CDH13: variants seen among roughly 807,000 people sequenced by gnomAD.
CDH13 encodes cadherin 13.
In CDH13, 24 loss-of-function variants were observed where a neutral mutation model predicts 63.8. The observed-to-expected ratio is 0.38, with a 90% CI of 0.27 to 0.53. CDH13 has a LOEUF of 0.53. Ranked by LOEUF, CDH13 falls within the 20% of genes least tolerant of loss-of-function variation. The pLI, the probability that CDH13 is intolerant of heterozygous loss-of-function variation, is 0.85. For synonymous variants in CDH13, 503 were observed against 355.3 expected, an observed-to-expected ratio of 1.42 and a Z score of -4.67; for missense variants, 1,049 against 903.1, an observed-to-expected ratio of 1.16 and a Z score of -2.07.
intron 5 of CDH13, among the ~76,000 whole-genome samples, chr16:83,327,222 A>G (rs1208760612): frequency 1.3e-5 from 2 of 152,218 alleles, no homozygotes; most frequent in Admixed American, 6.5e-5. Flanking sequence ...ATCATATACT[A>G]TCAGTCACTG....
intron 7 of CDH13, among the ~76,000 whole-genome samples, chr16:83,540,161 T>G (rs1245783215): frequency 6.6e-6 from 1 of 151,606 alleles, no homozygotes; most frequent in Non-Finnish European, 1.5e-5. Context: ...GCCTCCCAGG[T>G]TGAAGCCACT....
intron 3 of CDH13, among the ~76,000 whole-genome samples, chr16:83,112,554 C>T (rs1173121389): frequency 1.3e-5 from 2 of 152,074 alleles, no homozygotes; most frequent in African/African-American, 4.8e-5. Context: ...TGTAATTAAC[C>T]CTTTATCTCT....
At chr16:82,867,772 C>T (rs72790103) in intron 2 of CDH13, among the ~76,000 whole-genome samples, 18,502 of 152,206 alleles carry the variant, frequency 0.12, 1,179 homozygotes, top group Admixed American at 0.19. Context: ...TTTAATGTCA[C>T]AACAAAGGCT....
At chr16:83,144,274 G>C (rs953281697) in intron 4 of CDH13, among the ~76,000 whole-genome samples, 1 of 152,256 alleles carries the variant, frequency 6.6e-6, no homozygotes, top group Admixed American at 6.5e-5. Context: ...TGTTCCTGCG[G>C]TTGACACTCT....
In CDH13 at chr16:83,240,818, C is replaced by T. The variant is rs145937251; in HGVS notation, c.636+23321C>T. Among the ~76,000 whole-genome samples, 5 of 143,832 alleles carry T rather than the reference C, an allele frequency of 3.5e-5. 1 individual carries two copies. The highest frequency in any genetic ancestry group is 1.3e-4 in the African/African-American group (5 of 39,800). 94.4% of individuals were successfully genotyped at this position (143,832 alleles called of 152,430 possible). A position where few individuals can be genotyped will look rare whatever the true frequency, so the allele number is the denominator to read the frequency against. The stretch of plus-strand genomic sequence containing the variant: ...CTCAAGTGATCCTCCTGTCTCAGTC[C>T]CCCAAGAAGCTGGGCCTACAGGTGT... On this transcript the variant is annotated intron_variant, in intron 5 of 13. Coordinates refer to ENST00000567109, the MANE Select transcript of CDH13 (RefSeq NM_001257.5).
chr16:83,021,517 G>T (rs1314245462), intron 2 of CDH13, among the ~76,000 whole-genome samples: 1 of 152,210 alleles, frequency 6.6e-6, no homozygotes, highest in Non-Finnish European at 1.5e-5. Context: ...TCCCCTGAAA[G>T]CAGATGTGGC....
chr16:82,891,431 T>A (rs906951239), intron 2 of CDH13, among the ~76,000 whole-genome samples: 3 of 152,184 alleles, frequency 2.0e-5, no homozygotes, highest in Admixed American at 1.3e-4. Context: ...CCTCTTGGAT[T>A]TGCCTACATT....
chr16:82,865,852 T>G (rs2151179805), intron 2 of CDH13, among the ~76,000 whole-genome samples: 1 of 152,354 alleles, frequency 6.6e-6, no homozygotes, highest in East Asian at 1.9e-4. Context: ...TTTTCCAAAC[T>G]TTTATGCTGT....
At chr16:82,956,138 G>A (rs1009630392) in intron 2 of CDH13, among the ~76,000 whole-genome samples, 12 of 151,204 alleles carry the variant, frequency 7.9e-5, no homozygotes, top group African/African-American at 2.9e-4. Flanking sequence ...GCAAATCAAG[G>A]GTGCTACTCA....
At chr16:82,940,738 A>G (rs1904277815) in intron 2 of CDH13, among the ~76,000 whole-genome samples, 1 of 152,170 alleles carries the variant, frequency 6.6e-6, no homozygotes, top group African/African-American at 2.4e-5. Context: ...AGGCACATAC[A>G]GGCCCTATTC....
At chr16:82,653,848 C>T (rs563309103) in intron 1 of CDH13, among the ~76,000 whole-genome samples, 11 of 152,086 alleles carry the variant, frequency 7.2e-5, no homozygotes, top group Admixed American at 4.6e-4. Context: ...GCAGTAGTTC[C>T]GGAGAAGAAG....
At chr16:82,975,386 G>C (rs751461334) in intron 2 of CDH13, among the ~76,000 whole-genome samples, 2 of 152,186 alleles carry the variant, frequency 1.3e-5, no homozygotes, top group Non-Finnish European at 2.9e-5. Context: ...GGTCACAGTC[G>C]TAGTCAGGCC....
At chr16:82,926,969 G>T (rs774784914) in intron 2 of CDH13, among the ~76,000 whole-genome samples, 10 of 152,088 alleles carry the variant, frequency 6.6e-5, no homozygotes, top group Non-Finnish European at 1.2e-4. Flanking sequence ...GGGCTCAATG[G>T]GGACTATTCA....
At chr16:82,881,206 C>T (rs1415919553) in intron 2 of CDH13, among the ~76,000 whole-genome samples, 1 of 152,096 alleles carries the variant, frequency 6.6e-6, no homozygotes, top group East Asian at 1.9e-4. Flanking sequence ...GTAGAGGCTT[C>T]CGTTCGTGTC....
At chr16:83,759,206 A>G (rs1360119563) in intron 11 of CDH13, among the ~76,000 whole-genome samples, 3 of 152,240 alleles carry the variant, frequency 2.0e-5, no homozygotes, top group African/African-American at 4.8e-5. Flanking sequence ...AAGCTGACCA[A>G]TGCAATAGAA....
chr16:83,284,595 C>G (rs1358462398), intron 5 of CDH13, among the ~76,000 whole-genome samples: 1 of 152,048 alleles, frequency 6.6e-6, no homozygotes, highest in Non-Finnish European at 1.5e-5. Flanking sequence ...CCAGCCGTGT[C>G]TGAGGCTGAG....
intron 4 of CDH13, among the ~76,000 whole-genome samples, chr16:83,158,296 C>T (rs547299275): frequency 1.3e-5 from 2 of 152,332 alleles, no homozygotes; most frequent in African/African-American, 4.8e-5. Context: ...TCCCTCCCCA[C>T]CCCTGCTGCC....
chr16:83,492,777 G>A (rs1184573841), intron 7 of CDH13, among the ~76,000 whole-genome samples: 5 of 152,100 alleles, frequency 3.3e-5, no homozygotes, highest in Non-Finnish European at 5.9e-5. Context: ...GAAGGCCAGG[G>A]TCTTTATCTT....
chr16:83,174,238 T>C (rs2038033601), intron 4 of CDH13, among the ~76,000 whole-genome samples: 3 of 152,100 alleles, frequency 2.0e-5, no homozygotes, highest in Admixed American at 6.6e-5. Flanking sequence ...TCTTGAACCC[T>C]GAATTCTATC....
Sources: gnomAD v4.1 joint callset for allele counts (sites outside exome capture counted in the v4.1 genomes callset) on GRCh38, gnomAD v4.1.1 for gene constraint, MANE v1.5 for transcripts, NCBI Gene and HGNC (gene_info 2026-07-23, HGNC 2026-07-21) for gene names.